Variants in CDH12 observed in about 807,000 individuals in gnomAD.
The protein encoded by CDH12 is cadherin 12.
In CDH12, 41 loss-of-function variants were observed where a neutral mutation model predicts 74.1. The observed-to-expected ratio is 0.55, with a 90% CI of 0.43 to 0.72. CDH12 has a LOEUF of 0.72. CDH12 is among the 30% of genes least tolerant of loss of function. CDH12 has a pLI of 0.00. For missense variants in CDH12, 945 were observed against 977.2 expected, an observed-to-expected ratio of 0.97 and a Z score of 0.44; for synonymous variants, 399 against 355.0, an observed-to-expected ratio of 1.12 and a Z score of -1.39.
intron 1 of CDH12, among the ~76,000 whole-genome samples, chr5:22,842,549 A>C (rs1359269232): frequency 6.6e-6 from 1 of 152,156 alleles, no homozygotes; most frequent in Admixed American, 6.5e-5. Flanking sequence ...TAATAACCAA[A>C]GATTTATTGG....
chr5:22,017,636 G>A (rs941163941), intron 5 of CDH12, among the ~76,000 whole-genome samples: 3 of 152,126 alleles, frequency 2.0e-5, no homozygotes, highest in Non-Finnish European at 4.4e-5. Flanking sequence ...AGATGTAAAT[G>A]TGGGAGCCAA....
At chr5:22,412,998 T>G (rs1448071996) in intron 2 of CDH12, among the ~76,000 whole-genome samples, 3 of 152,010 alleles carry the variant, frequency 2.0e-5, no homozygotes, top group Non-Finnish European at 4.4e-5. Context: ...CAGCTATCAT[T>G]GTCTTTCATT....
intron 1 of CDH12, among the ~76,000 whole-genome samples, chr5:22,542,443 T>C (rs1738148263): frequency 6.6e-6 from 1 of 152,194 alleles, no homozygotes; most frequent in Non-Finnish European, 1.5e-5. Context: ...AGAATATTAG[T>C]GCACTGTAAA....
Position 21,909,559 on chromosome 5 carries a change from A to G in CDH12, c.527-54769T>C, listed in dbSNP as rs1226295499. Among the ~76,000 whole-genome samples, 4 of 152,176 alleles carry G rather than the reference A, an allele frequency of 2.6e-5. No homozygotes were observed. The East Asian group carries it at 7.7e-4, about 29-fold the overall frequency. On this transcript the variant is annotated intron_variant, in intron 6 of 14. Transcript: ENST00000382254. Reference sequence around the variant, plus strand: ...AAAGTACTGGTTCTCACAACTCCGAATTTCTCAAACCAACTACATTTCACC... The same window carrying G: ...AAAGTACTGGTTCTCACAACTCCGAGTTTCTCAAACCAACTACATTTCACC...
intron 3 of CDH12, among the ~76,000 whole-genome samples, chr5:22,358,644 G>A (rs191475068): frequency 3.9e-5 from 6 of 152,280 alleles, no homozygotes; most frequent in Admixed American, 3.9e-4. Flanking sequence ...CCTATTGGTA[G>A]AACGTTATTG....
chr5:22,541,371 T>C (rs1457747924), intron 1 of CDH12, among the ~76,000 whole-genome samples: 1 of 152,224 alleles, frequency 6.6e-6, no homozygotes, highest in African/African-American at 2.4e-5. Flanking sequence ...AAATGATGCA[T>C]AGCTCTCATG....
chr5:22,250,570 A>T (rs934321392), intron 3 of CDH12, among the ~76,000 whole-genome samples: 4 of 152,212 alleles, frequency 2.6e-5, no homozygotes, highest in African/African-American at 7.2e-5. Flanking sequence ...TTGGAAGTGA[A>T]ATTAGACCTC....
At chr5:22,832,266 G>C (rs1437395108) in intron 1 of CDH12, among the ~76,000 whole-genome samples, 2 of 152,068 alleles carry the variant, frequency 1.3e-5, no homozygotes, top group African/African-American at 4.8e-5. Flanking sequence ...CATTAACTGT[G>C]ATAATGTATG....
chr5:22,576,382 C>T (rs567260192), intron 1 of CDH12, among the ~76,000 whole-genome samples: 1 of 152,234 alleles, frequency 6.6e-6, no homozygotes, highest in South Asian at 2.1e-4. Context: ...AAGAGGCAAC[C>T]TTCATGTTGG....
chr5:22,586,842 T>TG (rs1580792009), intron 1 of CDH12, among the ~76,000 whole-genome samples: 1 of 148,032 alleles, frequency 6.8e-6, no homozygotes, highest in East Asian at 2.0e-4. Context: ...GGAGGATTTT[T>TG]TTTTTTTTTT....
rs769512936 is a variant in CDH12 at position 21,975,191 on chromosome 5, A to G, written c.426T>C (p.Pro142=). 11 of 1,596,874 alleles carry G rather than the reference A, an allele frequency of 6.9e-6. No individual in the cohort carries two copies. The highest frequency in any genetic ancestry group is 2.2e-5 in the South Asian group (2 of 90,992). The part of the protein sequence containing the change: ...VDIETRKPLE[P]ESEFIIKVQD... ...GCACTTTGATGATGAATTCTGATTCAGGCTCCAGGGGCTTTCTGGTTTCTA... is the reference window on the plus strand; with the variant it reads ...GCACTTTGATGATGAATTCTGATTCGGGCTCCAGGGGCTTTCTGGTTTCTA... The change falls in exon 6 of 15, where the codon CCT becomes CCC. Residue 142 remains proline (P), a synonymous_variant. Transcript: ENST00000382254.
At chr5:21,817,414 G>A (rs2149946489) in intron 8 of CDH12, among the ~76,000 whole-genome samples, 1 of 152,006 alleles carries the variant, frequency 6.6e-6, no homozygotes, top group East Asian at 1.9e-4. Context: ...CACTTATATG[G>A]CATAAAAGTG....
chr5:22,259,750 C>T (rs1753446652), intron 3 of CDH12, among the ~76,000 whole-genome samples: 1 of 151,514 alleles, frequency 6.6e-6, no homozygotes, highest in African/African-American at 2.4e-5. Context: ...TTTACTAGCA[C>T]CAATATATTT....
rs1742515095 is a variant in CDH12, at chr5:22,078,799, T to A, written c.-123A>T. On this transcript the variant is annotated 5_prime_UTR_variant, in exon 5 of 15. Coordinates refer to ENST00000382254, the MANE Select transcript of CDH12 (RefSeq NM_004061.5). ...GCTTCTTGTTTTATTGCAGAAATGA[T>A]GATGCAGGCATTAATCCTTTTGATG... The A allele has an allele frequency of 1.4e-6, 2 of 1,462,518 alleles. No homozygotes were observed. Among genetic ancestry groups the A allele is most frequent in the Non-Finnish European group, 1.8e-6 (2 of 1,112,776 alleles). The allele number at this position is 1,462,518 out of a possible 1,614,324, so 90.6% of individuals were successfully genotyped here. A position where few individuals can be genotyped will look rare whatever the true frequency, so the allele number is the denominator to read the frequency against.
rs1236544005 is a variant in CDH12 at position 21,889,091 on chromosome 5, AT to A, written c.527-34302del. 3.9e-5 allele frequency among the ~76,000 whole-genome samples: 6 copies of A among 152,128 alleles called. No individual in the cohort carries two copies. The East Asian group carries it at 1.2e-3, about 29-fold the overall frequency. On this transcript the variant is annotated intron_variant, in intron 6 of 14. Transcript: ENST00000382254. Reference sequence around the variant, plus strand: ...ATAATATATTTTAGGTGCTATTCATATTTTTAATCCAGAAAACGTAAGATCA... The same window carrying A: ...ATAATATATTTTAGGTGCTATTCATATTTTAATCCAGAAAACGTAAGATCA...
chr5:21,812,251 G>A (rs770945592), intron 9 of CDH12, among the ~76,000 whole-genome samples: 1 of 152,006 alleles, frequency 6.6e-6, no homozygotes, highest in Admixed American at 6.6e-5. Flanking sequence ...TTTAAAAAAG[G>A]ACTACATATT....
chr5:22,273,188 A>G (rs1366526410), intron 3 of CDH12, among the ~76,000 whole-genome samples: 1 of 152,200 alleles, frequency 6.6e-6, no homozygotes, highest in South Asian at 2.1e-4. Flanking sequence ...TGGCACCACA[A>G]AACAATTACA....
chr5:22,343,190 A>G (rs1430744929), intron 3 of CDH12, among the ~76,000 whole-genome samples: 3 of 151,608 alleles, frequency 2.0e-5, no homozygotes, highest in Non-Finnish European at 2.9e-5. Context: ...GTAGACTAAC[A>G]TGGGAAGTTT....
chr5:22,500,908 TC>T (rs1382135742), intron 2 of CDH12, among the ~76,000 whole-genome samples: 1 of 151,938 alleles, frequency 6.6e-6, no homozygotes, highest in African/African-American at 2.4e-5. Flanking sequence ...TCTTCATCAC[TC>T]CTGCAGTATA....
Sources: gnomAD v4.1 joint callset for allele counts (sites outside exome capture counted in the v4.1 genomes callset) on GRCh38, gnomAD v4.1.1 for gene constraint, MANE v1.5 for transcripts, NCBI Gene and HGNC (gene_info 2026-07-23, HGNC 2026-07-21) for gene names.